The following CENPC variants were observed in gnomAD, a reference collection of about 807,000 sequenced individuals.
CENPC encodes centromere protein C.
CENPC carries 63 observed loss-of-function variants against 112.1 expected under a neutral mutation model. The observed-to-expected ratio is 0.56, with a 90% CI of 0.46 to 0.69. The LOEUF (loss-of-function observed/expected upper bound fraction) is 0.69. CENPC is among the 30% of genes least tolerant of loss of function. The pLI is 0.00. For missense variants in CENPC, 1,000 were observed against 1,103.8 expected (o/e 0.91, Z 1.33); for synonymous variants, 333 against 367.6 (o/e 0.91, Z 1.08).
chr4:67,491,466 TATATATATATATATAGAGAGAGAGAGAG>T (rs1217531448), intron 16 of CENPC, among the ~76,000 whole-genome samples: 3 of 61,330 alleles, frequency 4.9e-5, no homozygotes, highest in African/African-American at 1.7e-4. Flanking sequence ...TATATATATA[TATATATATATATATAGAGAGAGAGAGAG>T]AGAGAGAGAG....
chr4:67,510,216 C>T (rs570123875), intron 9 of CENPC, among the ~76,000 whole-genome samples: 2 of 152,226 alleles, frequency 1.3e-5, no homozygotes, highest in Non-Finnish European at 2.9e-5. Context: ...CTAAAGCACA[C>T]TAAATTAAAG....
intron 10 of CENPC, among the ~76,000 whole-genome samples, chr4:67,508,536 A>AAAAG (rs930738960): frequency 6.6e-6 from 1 of 150,472 alleles, no homozygotes; most frequent in Non-Finnish European, 1.5e-5. Context: ...AAAAAAAAAA[A>AAAAG]GTTTAACTCT....
At chr4:67,508,704 G>C (rs1725804117) in intron 10 of CENPC, 110 bp downstream of exon 10, 1 of 967,398 alleles carries the variant, frequency 1.0e-6, no homozygotes, top group East Asian at 2.6e-5. Context: ...GTATGTCAGA[G>C]TGCAGAGCTC....
At chr4:67,480,929 T>C (rs1192669635) in intron 17 of CENPC, among the ~76,000 whole-genome samples, 1 of 152,218 alleles carries the variant, frequency 6.6e-6, no homozygotes, top group Non-Finnish European at 1.5e-5. Flanking sequence ...AACATAGTAC[T>C]GGAAGTCCTG....
At chr4:67,532,946 C>T (rs977694888) in intron 4 of CENPC, among the ~76,000 whole-genome samples, 4 of 152,172 alleles carry the variant, frequency 2.6e-5, no homozygotes, top group African/African-American at 9.6e-5. Context: ...ATGAGTTCAA[C>T]TATATGTCAA....
intron 4 of CENPC, among the ~76,000 whole-genome samples, chr4:67,534,345 G>A (rs899046712): frequency 6.6e-6 from 1 of 152,124 alleles, no homozygotes; most frequent in Non-Finnish European, 1.5e-5. Flanking sequence ...GAACCCGGGA[G>A]GCAGAGATTG....
intron 5 of CENPC, among the ~76,000 whole-genome samples, chr4:67,527,203 C>T (rs1726406464): frequency 6.6e-6 from 1 of 152,046 alleles, no homozygotes; most frequent in Non-Finnish European, 1.5e-5. Flanking sequence ...AGTAATACAC[C>T]ATGACCACAT....
intron 13 of CENPC, among the ~76,000 whole-genome samples, chr4:67,494,918 C>T (rs1725388743): frequency 6.6e-6 from 1 of 152,104 alleles, no homozygotes; most frequent in Non-Finnish European, 1.5e-5. Flanking sequence ...GATCATGCCC[C>T]CTACTATGGG....
intron 1 of CENPC, 50 bp downstream of exon 1, chr4:67,545,288 C>T: frequency 2.1e-6 from 3 of 1,452,722 alleles, no homozygotes; most frequent in Non-Finnish European, 2.7e-6. Flanking sequence ...GGCGCCCGTG[C>T]CCCAGCCAGC....
chr4:67,541,473 AG>A (rs1560446656), intron 2 of CENPC, among the ~76,000 whole-genome samples: 1 of 152,154 alleles, frequency 6.6e-6, no homozygotes. Flanking sequence ...TAATCTTAAC[AG>A]TTTATGAATC....
chr4:67,527,703 G>A (rs1006430430), intron 5 of CENPC, among the ~76,000 whole-genome samples: 1 of 151,674 alleles, frequency 6.6e-6, no homozygotes, highest in Non-Finnish European at 1.5e-5. Flanking sequence ...TTCTCACTAC[G>A]TTGCCTAGGC....
intron 14 of CENPC, chr4:67,493,455 G>C (rs1577979227): frequency 5.7e-6 from 1 of 175,400 alleles, no homozygotes; most frequent in Non-Finnish European, 1.2e-5. Context: ...AGACCAGCCT[G>C]GACAACATAG....
chr4:67,529,785 T>C (rs569769335), intron 5 of CENPC, among the ~76,000 whole-genome samples: 4 of 152,140 alleles, frequency 2.6e-5, no homozygotes, highest in South Asian at 4.1e-4. Flanking sequence ...TAAAAGCTCA[T>C]AGAAAGAAAA....
intron 12 of CENPC, among the ~76,000 whole-genome samples, chr4:67,504,141 C>T (rs1725671026): frequency 7.0e-6 from 1 of 143,692 alleles, no homozygotes; most frequent in South Asian, 2.2e-4. Context: ...AGAGCTAGAA[C>T]CAATCCCAGG....
intron 11 of CENPC, 117 bp downstream of exon 11, chr4:67,506,671 T>G: frequency 1.2e-6 from 1 of 849,934 alleles, no homozygotes; most frequent in Admixed American, 3.5e-5. Context: ...ATAGAAACTA[T>G]GAAACAATAA....
chr4:67,497,471 G>A (rs62301090), intron 12 of CENPC, among the ~76,000 whole-genome samples: 11,961 of 152,126 alleles, frequency 0.079, 671 homozygotes, highest in South Asian at 0.12. Context: ...AACAGATACT[G>A]CAATAAAGAA....
chr4:67,473,910 T>C (rs948912273), intron 18 of CENPC, among the ~76,000 whole-genome samples: 24 of 152,280 alleles, frequency 1.6e-4, no homozygotes, highest in African/African-American at 5.8e-4. Flanking sequence ...AAAATGCCTA[T>C]TTACAATAAC....
At chr4:67,527,379 G>A (rs1726413216) in intron 5 of CENPC, among the ~76,000 whole-genome samples, 1 of 150,392 alleles carries the variant, frequency 6.6e-6, no homozygotes, top group African/African-American at 2.4e-5. Context: ...ACTGGCAGGA[G>A]AAAATTTCCC....
chr4:67,514,789 C>T lies in CENPC; in HGVS notation c.831-102G>A. On this transcript the variant is annotated intron_variant, in intron 7 of 18. Transcript: ENST00000273853. ...AAATAAAATCTAAATTTCTTTTAAA[C>T]TGTTTATATATCTCCTCAATTTTCC... 4 of 1,182,572 alleles carry T rather than the reference C, an allele frequency of 3.4e-6. No individual in the cohort carries two copies. The South Asian group carries it at 6.7e-5, about 20-fold the overall frequency. 73.3% of individuals were successfully genotyped at this position (1,182,572 alleles called of 1,614,324 possible).
Sources: gnomAD v4.1 joint callset for allele counts (sites outside exome capture counted in the v4.1 genomes callset) on GRCh38, gnomAD v4.1.1 for gene constraint, MANE v1.5 for transcripts, NCBI Gene and HGNC (gene_info 2026-07-23, HGNC 2026-07-21) for gene names.